The following CLIC5 variants were observed in gnomAD, a reference collection of about 807,000 sequenced individuals.
CLIC5 encodes the protein CLIC family member 5, also known as chloride intracellular channel protein 5.
In CLIC5, 20 loss-of-function variants were observed where a neutral mutation model predicts 24.7. The observed-to-expected ratio is 0.81, with a 90% CI of 0.57 to 1.18. CLIC5 has a LOEUF of 1.18. CLIC5 is among the 50% of genes most tolerant of loss of function. CLIC5 has a pLI of 0.00. For missense variants in CLIC5, 341 were observed against 326.1 expected, an observed-to-expected ratio of 1.05 and a Z score of -0.35; for synonymous variants, 159 against 135.6, an observed-to-expected ratio of 1.17 and a Z score of -1.20.
intron 4 of CLIC5, among the ~76,000 whole-genome samples, chr6:45,939,972 T>G (rs950424021): frequency 1.1e-4 from 17 of 152,276 alleles, no homozygotes; most frequent in African/African-American, 3.9e-4. Flanking sequence ...CTTCTTCTTA[T>G]TTCCCAGAAG....
the CLIC5 span, among the ~76,000 whole-genome samples, chr6:46,124,999 C>T: frequency 6.6e-6 from 1 of 152,164 alleles, no homozygotes; most frequent in Non-Finnish European, 1.5e-5. Flanking sequence ...CTAGTTCAAC[C>T]ATTGTGGAAG....
At chr6:45,985,769 A>T (rs1481629008) in intron 1 of CLIC5, among the ~76,000 whole-genome samples, 2 of 152,080 alleles carry the variant, frequency 1.3e-5, no homozygotes, top group African/African-American at 4.8e-5. Flanking sequence ...TTTTTGGGTA[A>T]AGGGTCAGAT....
downstream of CLIC5, among the ~76,000 whole-genome samples, chr6:45,893,811 G>A (rs535759351): frequency 6.6e-6 from 1 of 152,252 alleles, no homozygotes; most frequent in East Asian, 1.9e-4. Context: ...TATATTGGGG[G>A]TGGTATACAC....
the CLIC5 span, among the ~76,000 whole-genome samples, chr6:46,100,406 A>G: frequency 6.6e-6 from 1 of 152,370 alleles, no homozygotes; most frequent in South Asian, 2.1e-4. Flanking sequence ...GTTATCCAGC[A>G]GCTCCCTGAC....
chr6:46,126,351 G>GA, the CLIC5 span, among the ~76,000 whole-genome samples: 1 of 152,118 alleles, frequency 6.6e-6, no homozygotes, highest in African/African-American at 2.4e-5. Flanking sequence ...TGTATCTTTT[G>GA]AAAAATTGAG....
chr6:46,109,296 A>G, the CLIC5 span, among the ~76,000 whole-genome samples: 2 of 152,168 alleles, frequency 1.3e-5, no homozygotes, highest in South Asian at 4.1e-4. Flanking sequence ...ACACTCTTGA[A>G]TACAGGTTTC....
chr6:45,965,172 G>A (rs1764976931), intron 1 of CLIC5, among the ~76,000 whole-genome samples: 1 of 152,206 alleles, frequency 6.6e-6, no homozygotes, highest in Admixed American at 6.5e-5. Context: ...TCATTGGCCA[G>A]AGGAGAGTGT....
At chr6:46,114,020 A>G in the CLIC5 span, among the ~76,000 whole-genome samples, 1 of 152,196 alleles carries the variant, frequency 6.6e-6, no homozygotes, top group African/African-American at 2.4e-5. Context: ...CAGTTCAAAG[A>G]TAGCAGAGAG....
chr6:45,895,017 T>TA (rs537084098), downstream of CLIC5, among the ~76,000 whole-genome samples: 77 of 151,188 alleles, frequency 5.1e-4, no homozygotes, highest in South Asian at 2.9e-3. Flanking sequence ...CTCTTTTTGT[T>TA]AAAAAAAAAG....
rs568196652 is a variant in CLIC5, at chr6:45,977,400, C to T, written c.64-22156G>A. 2.3e-4 allele frequency among the ~76,000 whole-genome samples: 35 copies of T among 152,226 alleles called. 1 individual carries two copies. Among genetic ancestry groups the T allele is most frequent in the Non-Finnish European group, 2.9e-5 (2 of 68,010 alleles). The stretch of plus-strand genomic sequence containing the variant: ...GATGATCTTTTAGTTGCTATTTCAA[C>T]AAACCCCCCAGATCTGGAGCCCAGC... On this transcript the variant is annotated intron_variant, in intron 1 of 5. Coordinates refer to ENST00000339561, the MANE Select transcript of CLIC5 (RefSeq NM_016929.5).
chr6:45,971,739 T>C (rs918831553), intron 1 of CLIC5, among the ~76,000 whole-genome samples: 1 of 152,218 alleles, frequency 6.6e-6, no homozygotes, highest in Non-Finnish European at 1.5e-5. Flanking sequence ...CTAGGATTCG[T>C]AGGACAGAAT....
chr6:46,099,488 A>C, the CLIC5 span, among the ~76,000 whole-genome samples: 1 of 151,180 alleles, frequency 6.6e-6, no homozygotes, highest in Admixed American at 6.6e-5. Flanking sequence ...AAAAAAATTT[A>C]AATATATATA....
intron 5 of CLIC5, among the ~76,000 whole-genome samples, chr6:45,909,525 T>G (rs530365965): frequency 6.6e-6 from 1 of 152,304 alleles, no homozygotes; most frequent in South Asian, 2.1e-4. Context: ...TATTTCTCCT[T>G]TGTTTACAAA....
intron 1 of CLIC5, among the ~76,000 whole-genome samples, chr6:46,025,392 C>T (rs1767301857): frequency 1.3e-5 from 2 of 152,160 alleles, no homozygotes; most frequent in South Asian, 4.1e-4. Flanking sequence ...GCGGGAGCTA[C>T]TATTGTTACC....
At chr6:45,904,667 C>CCCTT (rs770061350) in intron 5 of CLIC5, among the ~76,000 whole-genome samples, 10 of 145,178 alleles carry the variant, frequency 6.9e-5, no homozygotes, top group South Asian at 2.3e-4. Context: ...CCTCCCTACT[C>CCCTT]CCTTCCTTCC....
chr6:45,972,181 A>T (rs1400061613), intron 1 of CLIC5, among the ~76,000 whole-genome samples: 1 of 152,234 alleles, frequency 6.6e-6, no homozygotes, highest in Non-Finnish European at 1.5e-5. Context: ...ATTAGCTTTC[A>T]GCAAGATGTG....
chr6:45,951,470 A>T (rs1460397313), intron 2 of CLIC5, among the ~76,000 whole-genome samples: 1 of 152,210 alleles, frequency 6.6e-6, no homozygotes, highest in Non-Finnish European at 1.5e-5. Context: ...AGTGCAGTGG[A>T]AAGGAAAGTG....
At chr6:45,897,393 C>T (rs562769441), downstream of CLIC5, among the ~76,000 whole-genome samples, 27 of 152,164 alleles carry the variant, frequency 1.8e-4, no homozygotes, top group East Asian at 3.9e-4. Context: ...AAATCACCCT[C>T]GCTCCAGTCA....
At chr6:46,101,986 G>T in the CLIC5 span, among the ~76,000 whole-genome samples, 1 of 151,988 alleles carries the variant, frequency 6.6e-6, no homozygotes, top group South Asian at 2.1e-4. Flanking sequence ...GTGTGTGTTG[G>T]GGGTGGGGGT....
Sources: allele counts gnomAD v4.1 joint callset (sites outside exome capture counted in the v4.1 genomes callset), GRCh38; gene constraint gnomAD v4.1.1; transcripts MANE v1.5; gene names NCBI Gene and HGNC (gene_info 2026-07-23, HGNC 2026-07-21).